FARS2: variants seen among roughly 807,000 people sequenced by gnomAD.
FARS2 encodes the protein phenylalanyl-tRNA synthetase 2, mitochondrial, also known as phenylalanine--tRNA ligase, mitochondrial.
Under a neutral mutation model 46.4 loss-of-function variants are expected in FARS2, and 40 were observed. That is an observed-to-expected ratio of 0.86 (90% confidence interval 0.67 to 1.12). The LOEUF (loss-of-function observed/expected upper bound fraction) is 1.12, where lower values mean the gene tolerates loss of function less well. Ranked by LOEUF, FARS2 falls within the 50% of genes most tolerant of loss-of-function variation. The pLI is 0.00. For missense variants in FARS2, 513 were observed against 567.9 expected, an observed-to-expected ratio of 0.90 and a Z score of 0.98; for synonymous variants, 234 against 214.9, an observed-to-expected ratio of 1.09 and a Z score of -0.78.
chr6:5,614,779 C>G (rs1775382807), intron 6 of FARS2, among the ~76,000 whole-genome samples: 1 of 152,204 alleles, frequency 6.6e-6, no homozygotes, highest in Non-Finnish European at 1.5e-5. Context: ...CTCCCTTTCC[C>G]CAATTATCTA....
At chr6:5,341,208 TATATATATATATATATATATATA>T (rs1561969685) in intron 1 of FARS2, among the ~76,000 whole-genome samples, 59 of 5,340 alleles carry the variant, frequency 0.011, 2 homozygotes, top group African/African-American at 0.021. Context: ...TATATATATA[TATATATATATATATATATATATA>T]TATATTTTTT....
chr6:5,580,321 G>GAGGA lies in FARS2; in HGVS notation c.1066-32830_1066-32827dup, dbSNP rs796597040. 8.7e-4 allele frequency among the ~76,000 whole-genome samples: 132 copies of GAGGA among 150,894 alleles called. 1 individual carries two copies. Among genetic ancestry groups the GAGGA allele is most frequent in the African/African-American group, 3.0e-3 (121 of 40,950 alleles). ...AAAAAAAAAAAGAGAAGGAGGGAGGGAGGAAGGAAGGAAGGAAGGAAAGCA... is the reference window on the plus strand; with the variant it reads ...AAAAAAAAAAAGAGAAGGAGGGAGGGAGGAAGGAAGGAAGGAAGGAAGGAAAGCA... On this transcript the variant is annotated intron_variant, in intron 5 of 6. Transcript: ENST00000274680.
intron 6 of FARS2, among the ~76,000 whole-genome samples, chr6:5,707,042 G>T (rs1204531344): frequency 6.6e-6 from 1 of 152,186 alleles, no homozygotes; most frequent in African/African-American, 2.4e-5. Context: ...GAACCTGTAA[G>T]CACTTGCTTG....
intron 3 of FARS2, among the ~76,000 whole-genome samples, chr6:5,424,176 A>T (rs1415582478): frequency 2.0e-5 from 3 of 152,160 alleles, no homozygotes; most frequent in Non-Finnish European, 2.9e-5. Flanking sequence ...TTTGTCTGGG[A>T]CCTACACTCT....
chr6:5,671,637 G>GA (rs1243595526), intron 6 of FARS2, among the ~76,000 whole-genome samples: 3 of 152,120 alleles, frequency 2.0e-5, no homozygotes, highest in Non-Finnish European at 2.9e-5. Context: ...CTTAGCTCTG[G>GA]AAAAAATAGG....
chr6:5,318,387 CAAAAAAAAAA>C (rs753113504), intron 1 of FARS2, among the ~76,000 whole-genome samples: 1 of 77,196 alleles, frequency 1.3e-5, no homozygotes, highest in Non-Finnish European at 2.6e-5. Context: ...AAAAAAAAAC[CAAAAAAAAAA>C]AAAAAAAAAA....
chr6:5,433,634 G>T (rs1763357924), intron 4 of FARS2, among the ~76,000 whole-genome samples: 1 of 152,204 alleles, frequency 6.6e-6, no homozygotes, highest in African/African-American at 2.4e-5. Context: ...AAAATACTGG[G>T]CGTGAATATG....
chr6:5,463,058 T>C (rs1765331987), intron 4 of FARS2, among the ~76,000 whole-genome samples: 1 of 152,202 alleles, frequency 6.6e-6, no homozygotes, highest in Non-Finnish European at 1.5e-5. Context: ...GTGTGGACAA[T>C]GGGCTGTGTT....
upstream of FARS2, chr6:5,260,536 C>A (rs1410549107): frequency 7.0e-7 from 1 of 1,420,786 alleles, no homozygotes; most frequent in Admixed American, 2.2e-5. Context: ...GCCTCGCAGC[C>A]GCCGGCAAAC....
chr6:5,690,058 T>C (rs543725733), intron 6 of FARS2, among the ~76,000 whole-genome samples: 65 of 152,356 alleles, frequency 4.3e-4, no homozygotes, highest in Non-Finnish European at 8.5e-4. Context: ...TTGGTAGATC[T>C]TCCTTCATCC....
At chr6:5,733,136 C>G (rs1303272202) in intron 6 of FARS2, among the ~76,000 whole-genome samples, 1 of 152,230 alleles carries the variant, frequency 6.6e-6, no homozygotes, top group African/African-American at 2.4e-5. Context: ...TCCTACCCTT[C>G]TGCCTCTGCG....
chr6:5,454,251 T>C (rs1373721285), intron 4 of FARS2, among the ~76,000 whole-genome samples: 1 of 152,020 alleles, frequency 6.6e-6, no homozygotes, highest in Non-Finnish European at 1.5e-5. Context: ...TTGTGAATGC[T>C]GTCAAATAAT....
At chr6:5,386,002 G>A (rs1427070892) in intron 2 of FARS2, among the ~76,000 whole-genome samples, 1 of 152,100 alleles carries the variant, frequency 6.6e-6, no homozygotes, top group Non-Finnish European at 1.5e-5. Flanking sequence ...TCCTAAACCA[G>A]ATTGCTGTAA....
chr6:5,596,718 G>A (rs1660400763), intron 5 of FARS2, among the ~76,000 whole-genome samples: 1 of 152,192 alleles, frequency 6.6e-6, no homozygotes, highest in African/African-American at 2.4e-5. Flanking sequence ...ATAGTGATTT[G>A]GGTGGAGGTG....
chr6:5,556,546 C>G (rs971331247), intron 5 of FARS2, among the ~76,000 whole-genome samples: 3 of 151,828 alleles, frequency 2.0e-5, no homozygotes, highest in Admixed American at 2.0e-4. Context: ...TTGTGGCCCT[C>G]TGCTTGTGTT....
chr6:5,553,917 G>A (rs1006778454), intron 5 of FARS2, among the ~76,000 whole-genome samples: 1 of 152,108 alleles, frequency 6.6e-6, no homozygotes, highest in South Asian at 2.1e-4. Context: ...CTGCATCGTC[G>A]TTCAATCAGA....
chr6:5,680,656 C>A (rs982683775), intron 6 of FARS2, among the ~76,000 whole-genome samples: 1 of 152,284 alleles, frequency 6.6e-6, no homozygotes, highest in East Asian at 1.9e-4. Flanking sequence ...AATCCATAAC[C>A]CCTGGTCAAC....
chr6:5,365,171 G>A (rs1242408617), intron 1 of FARS2, among the ~76,000 whole-genome samples: 1 of 151,630 alleles, frequency 6.6e-6, no homozygotes, highest in Non-Finnish European at 1.5e-5. Context: ...TGTTTTATTG[G>A]ATTTACTTAT....
intron 6 of FARS2, among the ~76,000 whole-genome samples, chr6:5,760,190 C>T (rs1762411114): frequency 6.6e-6 from 1 of 152,116 alleles, no homozygotes; most frequent in Admixed American, 6.5e-5. Flanking sequence ...AGTAATTAAC[C>T]TATTTCTTCC....
Sources: allele counts gnomAD v4.1 joint callset (sites outside exome capture counted in the v4.1 genomes callset), GRCh38; gene constraint gnomAD v4.1.1; transcripts MANE v1.5; gene names NCBI Gene and HGNC (gene_info 2026-07-23, HGNC 2026-07-21).